The following KIAA1671 variants were observed in gnomAD, a reference collection of about 807,000 sequenced individuals.
KIAA1671 encodes KIAA1671.
Under a neutral mutation model 131.2 loss-of-function variants are expected in KIAA1671, and 52 were observed. That is an observed-to-expected ratio of 0.40 (90% CI 0.32 to 0.50). The LOEUF is 0.50. Ranked by LOEUF, KIAA1671 falls within the 20% of genes least tolerant of loss-of-function variation. The probability of loss-of-function intolerance (pLI) is 0.73; values close to 1 mark genes in which losing one functional copy is unlikely to be tolerated. For missense variants in KIAA1671, 2,360 were observed against 2,364.2 expected (o/e 1.00, Z 0.04); for synonymous variants, 1,003 against 961.6 (o/e 1.04, Z -0.80).
intron 11 of KIAA1671, among the ~76,000 whole-genome samples, chr22:25,188,451 T>G (rs962423792): frequency 2.0e-5 from 1 of 50,594 alleles, no homozygotes; most frequent in African/African-American, 1.4e-4. Flanking sequence ...CAATCGGGTG[T>G]GTGTGTGTGT....
At chr22:25,093,144 CA>C (rs745731650) in intron 6 of KIAA1671, among the ~76,000 whole-genome samples, 2 of 152,200 alleles carry the variant, frequency 1.3e-5, no homozygotes, top group Non-Finnish European at 2.9e-5. Flanking sequence ...AACCCTCACA[CA>C]AACCCTACAA....
chr22:25,004,778 C>G (rs9612825), intron 1 of KIAA1671, among the ~76,000 whole-genome samples: 28,677 of 151,390 alleles, frequency 0.19, 3,161 homozygotes, highest in Middle Eastern at 0.3. Context: ...AATCCCATCT[C>G]TACTAAAAAT....
At chr22:25,090,567 T>C (rs926199839) in intron 6 of KIAA1671, among the ~76,000 whole-genome samples, 9 of 152,260 alleles carry the variant, frequency 5.9e-5, no homozygotes, top group African/African-American at 2.2e-4. Flanking sequence ...GGAGAACTTT[T>C]CTGAGGCCTT....
chr22:24,998,129 G>A (rs1924240394), intron 1 of KIAA1671, among the ~76,000 whole-genome samples: 1 of 152,124 alleles, frequency 6.6e-6, no homozygotes, highest in Non-Finnish European at 1.5e-5. Context: ...GGCCAGGTGT[G>A]GCAATATACA....
At chr22:25,126,788 T>C (rs1409990400) in intron 6 of KIAA1671, among the ~76,000 whole-genome samples, 1 of 152,242 alleles carries the variant, frequency 6.6e-6, no homozygotes, top group Non-Finnish European at 1.5e-5. Context: ...CAGGTGATTC[T>C]CAACTTTGAC....
chr22:25,054,401 C>T lies in KIAA1671; in HGVS notation c.4530+5037C>T, dbSNP rs1319283846. The T allele has an allele frequency of 1.3e-5, 2 of 149,788 alleles. 1 individual carries two copies. The highest frequency in any genetic ancestry group is 3.9e-4 in the East Asian group (2 of 5,082). The allele number at this position is 149,788 out of a possible 1,614,324, so 9.3% of individuals were successfully genotyped here. A position where few individuals can be genotyped will look rare whatever the true frequency, so the allele number is the denominator to read the frequency against. ...AGCAAGGCTGGCTTCTAATGAGGCTCCTCTCCGTGGCTGACAGCTGTGTCC... is the reference window on the plus strand; with the variant it reads ...AGCAAGGCTGGCTTCTAATGAGGCTTCTCTCCGTGGCTGACAGCTGTGTCC... On this transcript the variant is annotated intron_variant, in intron 6 of 12. Transcript: ENST00000358431.
chr22:25,027,950 G>T lies in KIAA1671; in HGVS notation c.-50G>T, dbSNP rs1272270058. On this transcript the variant is annotated 5_prime_UTR_variant, in exon 3 of 13. Transcript: ENST00000358431. ...TGTTTGTTTTGTTTGTTTAGCAATT[G>T]CTTCTCCATTCTTGAAGTTCCTAAC... The T allele has an allele frequency of 1.5e-6, 2 of 1,325,794 alleles. No homozygotes were observed. Among genetic ancestry groups the T allele is most frequent in the Admixed American group, 2.9e-5 (1 of 34,178 alleles). The allele number at this position is 1,325,794 out of a possible 1,614,324, so 82.1% of individuals were successfully genotyped here. A position where few individuals can be genotyped will look rare whatever the true frequency, so the allele number is the denominator to read the frequency against.
At chr22:25,150,268 T>C (rs536251839) in intron 6 of KIAA1671, among the ~76,000 whole-genome samples, 44 of 152,316 alleles carry the variant, frequency 2.9e-4, no homozygotes, top group African/African-American at 1.0e-3. Context: ...GGCCACCTGA[T>C]GGGAGCAGCC....
intron 5 of KIAA1671, among the ~76,000 whole-genome samples, chr22:25,046,172 G>A (rs1035154965): frequency 6.6e-5 from 10 of 152,000 alleles, no homozygotes; most frequent in South Asian, 6.2e-4. Context: ...CTTGGTGGCG[G>A]GTGCCTGTAG....
At chr22:25,119,660 T>C (rs1478021493) in intron 6 of KIAA1671, among the ~76,000 whole-genome samples, 2 of 151,186 alleles carry the variant, frequency 1.3e-5, no homozygotes. Flanking sequence ...CCCATGGGAG[T>C]GTATTTTAGG....
intron 6 of KIAA1671, among the ~76,000 whole-genome samples, chr22:25,150,956 C>A (rs1010954393): frequency 5.9e-5 from 9 of 151,620 alleles, no homozygotes; most frequent in Non-Finnish European, 1.2e-4. Flanking sequence ...CCTCAGCCTC[C>A]CAAGTAGCTG....
intron 1 of KIAA1671, among the ~76,000 whole-genome samples, chr22:24,989,894 C>T (rs188083110): frequency 6.6e-6 from 1 of 152,194 alleles, no homozygotes; most frequent in Admixed American, 6.5e-5. Flanking sequence ...CCTCTTAAAA[C>T]CACAGCCCCA....
At chr22:25,141,301 C>T (rs758144268) in intron 6 of KIAA1671, among the ~76,000 whole-genome samples, 1 of 151,970 alleles carries the variant, frequency 6.6e-6, no homozygotes, top group African/African-American at 2.4e-5. Flanking sequence ...GGCATAATCT[C>T]GGCTCACTGA....
At chr22:25,119,820 T>A (rs1290690391) in intron 6 of KIAA1671, among the ~76,000 whole-genome samples, 1 of 152,064 alleles carries the variant, frequency 6.6e-6, no homozygotes, top group Non-Finnish European at 1.5e-5. Flanking sequence ...CTGGTGTGTT[T>A]GAGGAGCAGC....
chr22:25,112,149 C>T (rs1399342673), intron 6 of KIAA1671: 2 of 398,730 alleles, frequency 5.0e-6, no homozygotes, highest in Non-Finnish European at 8.8e-6. Flanking sequence ...TCCCTAACTT[C>T]CTTCTTCCCT....
chr22:25,036,090 T>C (rs1487288884), intron 4 of KIAA1671, among the ~76,000 whole-genome samples: 1 of 152,078 alleles, frequency 6.6e-6, no homozygotes, highest in Admixed American at 6.6e-5. Flanking sequence ...TATTTATTTA[T>C]TTTTTTAGAG....
At chr22:25,029,563 C>T (rs1236781903) in intron 3 of KIAA1671, 23 bp downstream of exon 3, 59 of 1,470,970 alleles carry the variant, frequency 4.0e-5, no homozygotes, top group South Asian at 1.1e-4. Flanking sequence ...ATCCCACACC[C>T]CTCTCTCAGC....
At chr22:25,038,169 A>G (rs1163924241) in intron 4 of KIAA1671, among the ~76,000 whole-genome samples, 1 of 151,798 alleles carries the variant, frequency 6.6e-6, no homozygotes, top group East Asian at 1.9e-4. Flanking sequence ...TTATTATTTT[A>G]TTTTATTTTT....
intron 9 of KIAA1671, among the ~76,000 whole-genome samples, chr22:25,178,203 A>T (rs1328770318): frequency 6.6e-6 from 1 of 152,186 alleles, no homozygotes. Context: ...CAAGGCCAGC[A>T]CTGGGCATTC....
Sources: allele counts gnomAD v4.1 joint callset (sites outside exome capture counted in the v4.1 genomes callset), GRCh38; gene constraint gnomAD v4.1.1; transcripts MANE v1.5; gene names NCBI Gene and HGNC (gene_info 2026-07-23, HGNC 2026-07-21).